ADAMTS6: variants seen among roughly 807,000 people sequenced by gnomAD.
ADAMTS6 encodes A disintegrin and metalloproteinase with thrombospondin motifs 6.
Under a neutral mutation model 144.3 loss-of-function variants are expected in ADAMTS6, and 23 were observed. That is an observed-to-expected ratio of 0.16 (90% CI 0.11 to 0.23). The LOEUF (loss-of-function observed/expected upper bound fraction) is 0.23, where lower values mean the gene tolerates loss of function less well. Among genes scored for constraint, ADAMTS6 ranks in the 10% least tolerant of loss-of-function variants. The probability of loss-of-function intolerance (pLI) is 1.00; values close to 1 mark genes in which losing one functional copy is unlikely to be tolerated. For synonymous variants in ADAMTS6, 444 were observed against 457.5 expected, an observed-to-expected ratio of 0.97 and a Z score of 0.38; for missense variants, 999 against 1,379.6, an observed-to-expected ratio of 0.72 and a Z score of 4.37.
chr5:65,471,232 A>T, intron 2 of ADAMTS6, 90 bp from the exon 3 acceptor site: 1 of 1,304,376 alleles, frequency 7.7e-7, no homozygotes, highest in Non-Finnish European at 1.0e-6. Context: ...TATAAACAAC[A>T]ACTATGTCAA....
chr5:65,189,211 T>C (rs1013525823), intron 21 of ADAMTS6, among the ~76,000 whole-genome samples: 9 of 152,184 alleles, frequency 5.9e-5, no homozygotes, highest in African/African-American at 2.2e-4. Context: ...ACATACATAA[T>C]TTCAGGGGGT....
At chr5:65,237,925 A>C (rs1450282377) in intron 15 of ADAMTS6, among the ~76,000 whole-genome samples, 1 of 152,014 alleles carries the variant, frequency 6.6e-6, no homozygotes, top group Non-Finnish European at 1.5e-5. Context: ...CATCTCTACA[A>C]AAAATACAAA....
At chr5:65,430,623 T>C (rs928495882) in intron 7 of ADAMTS6, among the ~76,000 whole-genome samples, 19 of 152,092 alleles carry the variant, frequency 1.2e-4, no homozygotes, top group Non-Finnish European at 2.2e-4. Context: ...CTACCCAATG[T>C]AAATAAAGCT....
intron 9 of ADAMTS6, among the ~76,000 whole-genome samples, chr5:65,313,363 CTAT>C (rs1744689791): frequency 1.3e-5 from 2 of 151,984 alleles, no homozygotes; most frequent in South Asian, 2.1e-4. Context: ...GTTTTAGCTA[CTAT>C]GTGAATATGT....
At chr5:65,419,041 T>G (rs1400691037) in intron 7 of ADAMTS6, among the ~76,000 whole-genome samples, 1 of 152,172 alleles carries the variant, frequency 6.6e-6, no homozygotes, top group Non-Finnish European at 1.5e-5. Context: ...GCAATCCCAC[T>G]TATAGGTATA....
intron 7 of ADAMTS6, among the ~76,000 whole-genome samples, chr5:65,360,494 T>C (rs1278547234): frequency 2.0e-5 from 3 of 152,128 alleles, no homozygotes; most frequent in African/African-American, 4.8e-5. Flanking sequence ...TAGCAATACA[T>C]TGCATTCTAC....
intron 14 of ADAMTS6, among the ~76,000 whole-genome samples, chr5:65,259,524 T>C (rs1227535033): frequency 6.6e-6 from 1 of 152,192 alleles, no homozygotes; most frequent in Non-Finnish European, 1.5e-5. Flanking sequence ...AGCTGAAGAC[T>C]TAGAATTGAC....
chr5:65,289,954 A>G (rs1274309398), intron 11 of ADAMTS6, among the ~76,000 whole-genome samples: 1 of 152,198 alleles, frequency 6.6e-6, no homozygotes, highest in African/African-American at 2.4e-5. Context: ...TGAAACATAA[A>G]CAACCTAAGA....
intron 22 of ADAMTS6, among the ~76,000 whole-genome samples, chr5:65,174,622 C>T (rs926383750): frequency 3.9e-5 from 6 of 152,170 alleles, no homozygotes; most frequent in Admixed American, 6.5e-5. Flanking sequence ...GCCTGATCAC[C>T]CACGGTCTGC....
chr5:65,253,416 C>T (rs191803018), intron 14 of ADAMTS6, among the ~76,000 whole-genome samples: 1 of 152,092 alleles, frequency 6.6e-6, no homozygotes, highest in Non-Finnish European at 1.5e-5. Context: ...GTTTTGGGAT[C>T]GCAAATGACC....
At chr5:65,225,563 A>C (rs2112397809) in intron 16 of ADAMTS6, among the ~76,000 whole-genome samples, 1 of 152,338 alleles carries the variant, frequency 6.6e-6, no homozygotes, top group African/African-American at 2.4e-5. Flanking sequence ...TACAATTCCC[A>C]ACTAGTCTGA....
intron 7 of ADAMTS6, among the ~76,000 whole-genome samples, chr5:65,364,037 A>G (rs2150108708): frequency 6.6e-6 from 1 of 152,100 alleles, no homozygotes; most frequent in South Asian, 2.1e-4. Context: ...AAACTGAAGC[A>G]CAAAAATCAC....
chr5:65,203,210 A>G (rs933570465), intron 20 of ADAMTS6, among the ~76,000 whole-genome samples: 1 of 152,214 alleles, frequency 6.6e-6, no homozygotes, highest in Non-Finnish European at 1.5e-5. Context: ...AAGTTTCCTA[A>G]TATAAAGAAT....
At chr5:65,401,131 G>A (rs897967027) in intron 7 of ADAMTS6, among the ~76,000 whole-genome samples, 1 of 152,042 alleles carries the variant, frequency 6.6e-6, no homozygotes, top group Non-Finnish European at 1.5e-5. Flanking sequence ...TGATATACTG[G>A]GTAAAAGCAA....
At chr5:65,466,597 A>C (rs1760024219) in intron 3 of ADAMTS6, among the ~76,000 whole-genome samples, 2 of 152,324 alleles carry the variant, frequency 1.3e-5, no homozygotes, top group African/African-American at 4.8e-5. Context: ...TATAAGTATT[A>C]GTGAAATGAA....
At chr5:65,442,896 T>C (rs929362379) in intron 7 of ADAMTS6, among the ~76,000 whole-genome samples, 2 of 152,162 alleles carry the variant, frequency 1.3e-5, no homozygotes, top group Middle Eastern at 3.2e-3. Context: ...GTTCTCATTG[T>C]TCAACTCCCA....
chr5:65,269,921 G>A (rs1324807030), intron 12 of ADAMTS6, among the ~76,000 whole-genome samples: 1 of 151,592 alleles, frequency 6.6e-6, no homozygotes, highest in African/African-American at 2.4e-5. Context: ...AGGCTCCTGA[G>A]TAGCTGGGAC....
Position 65,373,069 on chromosome 5 carries a change from G to C in ADAMTS6, c.1074-38984C>G, listed in dbSNP as rs543992750. Among the ~76,000 whole-genome samples the C allele has an allele frequency of 4.6e-5, 7 of 152,166 alleles. No homozygotes were observed. The South Asian group carries it at 1.5e-3, about 32-fold the overall frequency. On this transcript the variant is annotated intron_variant, in intron 7 of 24. Transcript: ENST00000381055. The stretch of plus-strand genomic sequence containing the variant: ...GTTCTTTGAAACCAATGAGAACAAA[G>C]ACACAACATACCAGAATCTCTGGGA...
intron 9 of ADAMTS6, among the ~76,000 whole-genome samples, chr5:65,302,107 AATATATAT>A (rs1200317185): frequency 8.8e-5 from 3 of 34,084 alleles, no homozygotes; most frequent in East Asian, 6.2e-4. Context: ...AAAAAAAAAA[AATATATAT>A]ATATATATAT....
Sources: allele counts gnomAD v4.1 joint callset (sites outside exome capture counted in the v4.1 genomes callset), GRCh38; gene constraint gnomAD v4.1.1; transcripts MANE v1.5; gene names NCBI Gene and HGNC (gene_info 2026-07-23, HGNC 2026-07-21).